The following ZNF438 variants were observed in gnomAD, a reference collection of about 807,000 sequenced individuals.
ZNF438 encodes the protein zinc finger protein 438.
Under a neutral mutation model 38.0 loss-of-function variants are expected in ZNF438, and 25 were observed. The observed-to-expected ratio is 0.66, with a 90% CI of 0.48 to 0.92. ZNF438 has a LOEUF of 0.92. Ranked by LOEUF, ZNF438 falls within the 40% of genes least tolerant of loss-of-function variation. The pLI, the probability that ZNF438 is intolerant of heterozygous loss-of-function variation, is 0.00. For synonymous variants in ZNF438, 372 were observed against 364.1 expected, an observed-to-expected ratio of 1.02 and a Z score of -0.25; for missense variants, 1,007 against 999.6, an observed-to-expected ratio of 1.01 and a Z score of -0.10.
chr10:31,020,779 T>C (rs1457154828), intron 1 of ZNF438, among the ~76,000 whole-genome samples: 2 of 151,366 alleles, frequency 1.3e-5, no homozygotes, highest in East Asian at 3.9e-4. Flanking sequence ...TGTTATATTA[T>C]AAATAATTTT....
At chr10:31,022,390 T>C (rs1232995549) in intron 1 of ZNF438, among the ~76,000 whole-genome samples, 2 of 152,138 alleles carry the variant, frequency 1.3e-5, no homozygotes, top group African/African-American at 4.8e-5. Context: ...GCCTCTCAAG[T>C]AGCTGGAACT....
chr10:30,942,891 A>G (rs1348240892), intron 1 of ZNF438, among the ~76,000 whole-genome samples: 1 of 152,258 alleles, frequency 6.6e-6, no homozygotes, highest in Non-Finnish European at 1.5e-5. Context: ...AAGAAGAGCA[A>G]AAGAAGAGAG....
At chr10:30,870,424 AC>A (rs1321571804) in intron 4 of ZNF438, among the ~76,000 whole-genome samples, 1 of 58,894 alleles carries the variant, frequency 1.7e-5, no homozygotes, top group Non-Finnish European at 3.6e-5. Flanking sequence ...AAAAACTGTC[AC>A]TTTTTTTTTT....
At chr10:30,979,385 C>A (rs1301215158) in intron 1 of ZNF438, among the ~76,000 whole-genome samples, 1 of 152,206 alleles carries the variant, frequency 6.6e-6, no homozygotes, top group Non-Finnish European at 1.5e-5. Flanking sequence ...CTACCACTGC[C>A]TTTCTTCACA....
intron 2 of ZNF438, among the ~76,000 whole-genome samples, chr10:30,909,670 T>G (rs2042900069): frequency 6.6e-6 from 1 of 152,198 alleles, no homozygotes; most frequent in Non-Finnish European, 1.5e-5. Flanking sequence ...TTTTCAAACT[T>G]GTGAGGGACA....
intron 4 of ZNF438, among the ~76,000 whole-genome samples, chr10:30,868,472 T>C (rs185861493): frequency 2.4e-4 from 37 of 152,342 alleles, no homozygotes; most frequent in Admixed American, 2.4e-3. Flanking sequence ...ACAAGTTAGA[T>C]GCTGGAATTC....
intron 4 of ZNF438, among the ~76,000 whole-genome samples, chr10:30,873,925 A>G (rs2037896842): frequency 6.6e-6 from 1 of 152,208 alleles, no homozygotes; most frequent in East Asian, 1.9e-4. Context: ...GTATGTGTTT[A>G]TAAGTTGGAA....
chr10:30,873,734 C>A (rs1251972141), intron 4 of ZNF438, among the ~76,000 whole-genome samples: 2 of 152,166 alleles, frequency 1.3e-5, no homozygotes, highest in Non-Finnish European at 2.9e-5. Context: ...CCTTTGGATT[C>A]TTCATAGCAT....
At chr10:30,857,701 T>C in intron 4 of ZNF438, 1 of 1,505,490 alleles carries the variant, frequency 6.6e-7, no homozygotes, top group Non-Finnish European at 9.0e-7. Context: ...CTCTGAGAAA[T>C]CCAGAAAGGC....
At chr10:30,947,771 G>A (rs1381045786) in intron 1 of ZNF438, among the ~76,000 whole-genome samples, 1 of 152,204 alleles carries the variant, frequency 6.6e-6, no homozygotes, top group Non-Finnish European at 1.5e-5. Context: ...GTATTCGGGA[G>A]GGAGTAACCC....
chr10:31,032,324 C>T (rs1193671183), upstream of ZNF438, among the ~76,000 whole-genome samples: 3 of 152,214 alleles, frequency 2.0e-5, no homozygotes, highest in African/African-American at 7.2e-5. Context: ...CCATCAGGTG[C>T]TGGCGGGTCC....
At chr10:30,900,623 G>A (rs990012737) in intron 3 of ZNF438, among the ~76,000 whole-genome samples, 3 of 152,118 alleles carry the variant, frequency 2.0e-5, no homozygotes, top group Non-Finnish European at 4.4e-5. Flanking sequence ...TTACATACAA[G>A]GAAATTCAGG....
At chr10:31,013,235 C>T (rs1015368309) in intron 1 of ZNF438, among the ~76,000 whole-genome samples, 3 of 152,020 alleles carry the variant, frequency 2.0e-5, no homozygotes, top group Non-Finnish European at 4.4e-5. Flanking sequence ...AGGAGAATGG[C>T]GTGAACCCGG....
At chr10:30,984,023 C>G (rs544134934) in intron 1 of ZNF438, among the ~76,000 whole-genome samples, 1 of 152,070 alleles carries the variant, frequency 6.6e-6, no homozygotes, top group South Asian at 2.1e-4. Flanking sequence ...TACTGTCTTT[C>G]TTTAGTTCCT....
chr10:30,904,182 G>C (rs1344722731), intron 3 of ZNF438, among the ~76,000 whole-genome samples: 1 of 152,080 alleles, frequency 6.6e-6, no homozygotes, highest in African/African-American at 2.4e-5. Context: ...GACTGCCTTG[G>C]TAAGAAAGAG....
chr10:31,001,365 A>C (rs1454867870), intron 1 of ZNF438, among the ~76,000 whole-genome samples: 1 of 152,182 alleles, frequency 6.6e-6, no homozygotes, highest in Non-Finnish European at 1.5e-5. Flanking sequence ...AAGCTCAAAA[A>C]ATGCTTGGGG....
intron 1 of ZNF438, among the ~76,000 whole-genome samples, chr10:31,020,859 C>G (rs1202194507): frequency 6.6e-6 from 1 of 151,800 alleles, no homozygotes; most frequent in East Asian, 1.9e-4. Context: ...AACTATCATA[C>G]AGGTCAGAAA....
intron 2 of ZNF438, among the ~76,000 whole-genome samples, chr10:30,910,936 T>C (rs946037716): frequency 6.6e-6 from 1 of 152,074 alleles, no homozygotes; most frequent in African/African-American, 2.4e-5. Flanking sequence ...ACAAAATGTA[T>C]CAAAATCTTA....
intron 1 of ZNF438, among the ~76,000 whole-genome samples, chr10:30,946,334 G>A (rs1008079876): frequency 2.0e-5 from 3 of 151,824 alleles, no homozygotes; most frequent in East Asian, 1.9e-4. Flanking sequence ...AAAAGACAAA[G>A]TTGACAAATG....
Sources: gnomAD v4.1 joint callset for allele counts (sites outside exome capture counted in the v4.1 genomes callset) on GRCh38, gnomAD v4.1.1 for gene constraint, MANE v1.5 for transcripts, NCBI Gene and HGNC (gene_info 2026-07-23, HGNC 2026-07-21) for gene names.